Variants in PRELID2 observed in about 807,000 individuals in gnomAD.
PRELID2 encodes the protein PRELI domain-containing protein 2.
A neutral mutation model predicts 28.4 loss-of-function variants in PRELID2; 25 were observed. The ratio of observed to expected loss-of-function variants is 0.88; its 90% CI spans 0.64 to 1.23. The LOEUF (loss-of-function observed/expected upper bound fraction) is 1.23, where lower values mean the gene tolerates loss of function less well. Ranked by LOEUF, PRELID2 falls within the 50% of genes most tolerant of loss-of-function variation. The pLI is 0.00. For synonymous variants in PRELID2, 76 were observed against 71.6 expected (o/e 1.06, Z -0.31); for missense variants, 201 against 214.4 (o/e 0.94, Z 0.39).
intron 1 of PRELID2, among the ~76,000 whole-genome samples, chr5:145,562,328 C>G (rs973211512): frequency 6.6e-6 from 1 of 152,162 alleles, no homozygotes; most frequent in Non-Finnish European, 1.5e-5. Context: ...GAAAAAACCT[C>G]CAGTTTCGCC....
chr5:145,611,239 C>G (rs1753612752), intron 1 of PRELID2, among the ~76,000 whole-genome samples: 1 of 152,020 alleles, frequency 6.6e-6, no homozygotes, highest in African/African-American at 2.4e-5. Flanking sequence ...TCTTGGCTCA[C>G]TTCAACCTCC....
At chr5:145,594,531 A>T (rs1489649117) in intron 1 of PRELID2, among the ~76,000 whole-genome samples, 1 of 152,214 alleles carries the variant, frequency 6.6e-6, no homozygotes, top group Non-Finnish European at 1.5e-5. Flanking sequence ...ATTCTGTGAC[A>T]TGTTCATTGA....
chr5:145,412,374 G>A, the PRELID2 span, among the ~76,000 whole-genome samples: 2 of 152,200 alleles, frequency 1.3e-5, no homozygotes, highest in East Asian at 3.9e-4. Context: ...CTACGGCAGG[G>A]GCAAAATGCC....
At chr5:145,728,608 C>A (rs1756244772) in intron 1 of PRELID2, 2 of 1,002,470 alleles carry the variant, frequency 2.0e-6, no homozygotes, top group African/African-American at 3.2e-5. Context: ...AAAACAATGA[C>A]CACTGTAACA....
chr5:145,476,674 AT>A (rs1752105196), intron 1 of PRELID2, among the ~76,000 whole-genome samples: 1 of 152,152 alleles, frequency 6.6e-6, no homozygotes, highest in Non-Finnish European at 1.5e-5. Flanking sequence ...AAATTTATTA[AT>A]TGTTCCTTCT....
chr5:145,286,712 G>GTTT, the PRELID2 span, among the ~76,000 whole-genome samples: 1 of 108,364 alleles, frequency 9.2e-6, no homozygotes, highest in African/African-American at 3.8e-5. Context: ...GTTTTTTTTT[G>GTTT]TTTGTTTGTT....
chr5:145,554,372 G>C (rs1458375307), intron 1 of PRELID2, among the ~76,000 whole-genome samples: 1 of 151,982 alleles, frequency 6.6e-6, no homozygotes, highest in Non-Finnish European at 1.5e-5. Flanking sequence ...GAAATTAAGG[G>C]TTTACAGAGA....
chr5:145,603,343 C>T (rs985550816), intron 1 of PRELID2, among the ~76,000 whole-genome samples: 8 of 149,766 alleles, frequency 5.3e-5, no homozygotes, highest in African/African-American at 1.0e-4. Flanking sequence ...TGATTACTAT[C>T]GACAAAGAAG....
In PRELID2 at chr5:145,799,573, C is replaced by T. The variant is rs1752992630; in HGVS notation, c.369-3026G>A. ...TCCATCAGAGGAAAACCACAAGGAC[C>T]CAGGTAAGGAGGCGTGAAGGAAGAG... On this transcript the variant is annotated intron_variant, in intron 4 of 6. Transcript: ENST00000683046. Among the ~76,000 whole-genome samples, 4 of 151,984 alleles carry T rather than the reference C, an allele frequency of 2.6e-5. No homozygotes were observed. In the South Asian group the frequency reaches 8.3e-4, roughly 32 times the overall value.
At chr5:145,610,175 G>C (rs549694419) in intron 1 of PRELID2, among the ~76,000 whole-genome samples, 31 of 152,200 alleles carry the variant, frequency 2.0e-4, no homozygotes, top group African/African-American at 6.3e-4. Flanking sequence ...AATCCCCTGG[G>C]GGGCTCTCAC....
At chr5:145,346,190 A>G in the PRELID2 span, among the ~76,000 whole-genome samples, 11 of 152,224 alleles carry the variant, frequency 7.2e-5, no homozygotes, top group South Asian at 2.3e-3. Flanking sequence ...CCCCAGCACT[A>G]ACATTCTATG....
chr5:145,713,480 A>C (rs1281896908), intron 1 of PRELID2, among the ~76,000 whole-genome samples: 1 of 144,128 alleles, frequency 6.9e-6, no homozygotes, highest in African/African-American at 2.5e-5. Flanking sequence ...TACACACACT[A>C]TATATATATA....
intron 1 of PRELID2, among the ~76,000 whole-genome samples, chr5:145,687,855 A>G (rs1294461316): frequency 6.6e-6 from 1 of 152,210 alleles, no homozygotes; most frequent in Non-Finnish European, 1.5e-5. Context: ...AGTCAGTGCT[A>G]TTAGTCCCAT....
intron 1 of PRELID2, among the ~76,000 whole-genome samples, chr5:145,592,042 C>G (rs1453905419): frequency 6.6e-6 from 1 of 152,152 alleles, no homozygotes; most frequent in Non-Finnish European, 1.5e-5. Context: ...TAAGCTGGCT[C>G]AAGACTAGCT....
intron 1 of PRELID2, among the ~76,000 whole-genome samples, chr5:145,580,168 C>T (rs542421462): frequency 6.6e-6 from 1 of 152,148 alleles, no homozygotes. Context: ...GTTGCCTTAA[C>T]TAATATAGGT....
At chr5:145,488,308 T>C (rs746305093) in intron 1 of PRELID2, among the ~76,000 whole-genome samples, 2 of 152,032 alleles carry the variant, frequency 1.3e-5, no homozygotes, top group East Asian at 1.9e-4. Flanking sequence ...GATTATCAGA[T>C]ACATGCAAAG....
At chr5:145,509,558 G>T (rs78328075) in intron 1 of PRELID2, among the ~76,000 whole-genome samples, 1,714 of 152,234 alleles carry the variant, frequency 0.011, 37 homozygotes, top group African/African-American at 0.039. Context: ...CTTTCCTTTT[G>T]CCATCTCTGA....
chr5:145,473,448 G>A (rs977041438), intron 1 of PRELID2: 27 of 151,996 alleles, frequency 1.8e-4, no homozygotes, highest in African/African-American at 5.6e-4. Context: ...ATTATTATAC[G>A]GATGATGTCA....
At chr5:145,618,533 C>G (rs192839339) in intron 1 of PRELID2, among the ~76,000 whole-genome samples, 1 of 152,290 alleles carries the variant, frequency 6.6e-6, no homozygotes, top group East Asian at 1.9e-4. Flanking sequence ...GTGATATGAA[C>G]CATCTATGGG....
Sources: allele counts gnomAD v4.1 joint callset (sites outside exome capture counted in the v4.1 genomes callset), GRCh38; gene constraint gnomAD v4.1.1; transcripts MANE v1.5; gene names NCBI Gene and HGNC (gene_info 2026-07-23, HGNC 2026-07-21).